MATR3: variants seen among roughly 807,000 people sequenced by gnomAD.
MATR3 encodes the protein matrin 3, also known as matrin-3.
A neutral mutation model predicts 85.5 loss-of-function variants in MATR3; 4 were observed. The observed-to-expected ratio is 0.05, with a 90% CI of 0.02 to 0.11. MATR3 has a LOEUF of 0.11. MATR3 is among the 10% of genes least tolerant of loss of function. The pLI is 1.00. For missense variants in MATR3, 685 were observed against 1,016.1 expected, an observed-to-expected ratio of 0.67 and a Z score of 4.43; for synonymous variants, 336 against 343.1, an observed-to-expected ratio of 0.98 and a Z score of 0.23.
chr5:139,308,147 T>C lies in MATR3; in HGVS notation c.732T>C (p.His244=), dbSNP rs765914696. The C allele has an allele frequency of 2.5e-6, 4 of 1,613,914 alleles. No homozygotes were observed. In the African/African-American group the frequency reaches 5.3e-5, roughly 22 times the overall value. The change falls in exon 2 of 15, where the codon CAT becomes CAC. Residue 244 remains histidine, a synonymous_variant. Coordinates refer to ENST00000394805, the MANE Select transcript of MATR3 (RefSeq NM_018834.6). Reference sequence around the variant, plus strand: ...TTGGTGAGACCTCGCATAACTATCATAAATTTGACAGTGAGTATGAGAGAA... The same window carrying C: ...TTGGTGAGACCTCGCATAACTATCACAAATTTGACAGTGAGTATGAGAGAA... ...SFFGETSHNY[H]KFDSEYERMG...
At chr5:139,320,060 G>A (rs1755474442) in intron 9 of MATR3, among the ~76,000 whole-genome samples, 2 of 150,402 alleles carry the variant, frequency 1.3e-5, no homozygotes, top group South Asian at 2.1e-4. Context: ...TGTAATCCCA[G>A]CACTTTGGGA....
At chr5:139,278,237 A>G (rs895704197) in intron 2 of MATR3, 1 of 397,586 alleles carries the variant, frequency 2.5e-6, no homozygotes, top group South Asian at 1.9e-5. Flanking sequence ...CAAAAAATAT[A>G]TATATATATA....
intron 1 of MATR3, among the ~76,000 whole-genome samples, chr5:139,302,329 CAT>C (rs1158207741): frequency 3.3e-5 from 5 of 152,124 alleles, no homozygotes; most frequent in South Asian, 2.1e-4. Context: ...CACTCAAAAA[CAT>C]AGATTAGAGA....
At chr5:139,304,905 T>C (rs1441431563) in intron 1 of MATR3, among the ~76,000 whole-genome samples, 1 of 152,236 alleles carries the variant, frequency 6.6e-6, no homozygotes, top group Admixed American at 6.5e-5. Context: ...GTACATCTTA[T>C]GTTCAGCATT....
At chr5:139,312,841 A>AGCGTTTCACC (rs1289053055) in intron 2 of MATR3, 1 of 151,806 alleles carries the variant, frequency 6.6e-6, no homozygotes, top group African/African-American at 2.4e-5. Context: ...TAATAAAGAC[A>AGCGTTTCACC]GCGTTTCACC....
intron 5 of MATR3, 114 bp downstream of exon 5, chr5:139,316,302 A>G (rs886191158): frequency 1.7e-5 from 13 of 778,972 alleles, no homozygotes; most frequent in East Asian, 1.1e-4. Flanking sequence ...CTGGAGTGCA[A>G]TGGCACGATC....
At chr5:139,319,210 C>A (rs778486412) in intron 8 of MATR3, 124 bp from the exon 9 acceptor site, 167 of 1,297,284 alleles carry the variant, frequency 1.3e-4, no homozygotes, top group Non-Finnish European at 1.7e-4. Flanking sequence ...TCCAGGCAAG[C>A]CTGGGCAACA....
At chr5:139,304,969 C>T (rs1002250247) in intron 1 of MATR3, among the ~76,000 whole-genome samples, 1 of 152,194 alleles carries the variant, frequency 6.6e-6, no homozygotes, top group African/African-American at 2.4e-5. Context: ...GTTGCCACAT[C>T]TGGTTTCTCC....
In MATR3 at chr5:139,329,492, C is replaced by G. The variant is rs769044248; in HGVS notation, c.*97C>G. On this transcript the variant is annotated 3_prime_UTR_variant, in exon 15 of 15. Transcript: ENST00000394805. ...TACAATACTGATAGTTAGAAGAAAA[C>G]TATTGTACTCTTTTGTTTTAGTGGA... The G allele has an allele frequency of 5.4e-5, 54 of 1,004,948 alleles. No individual in the cohort carries two copies. In the South Asian group the frequency reaches 6.1e-4, roughly 11 times the overall value. The allele number at this position is 1,004,948 out of a possible 1,614,324, so 62.3% of individuals were successfully genotyped here. A position where few individuals can be genotyped will look rare whatever the true frequency, so the allele number is the denominator to read the frequency against.
At chr5:139,314,951 C>T (rs942050454) in intron 3 of MATR3, 1 of 496,950 alleles carries the variant, frequency 2.0e-6, no homozygotes, top group Non-Finnish European at 3.7e-6. Context: ...TTTAACATTT[C>T]TAGGATACAT....
chr5:139,308,020 A>T lies in MATR3; in HGVS notation c.605A>T (p.Tyr202Phe), dbSNP rs1407620934. ...RGPSLNPVLD[Y>F]DHGSRSQESG... ...CCTAGTCTCAACCCAGTGCTTGATT[A>T]TGACCATGGAAGTCGTTCTCAAGAA... The change falls in exon 2 of 15, where the codon TAT becomes TTT. Residue 202 changes from tyrosine (Y) to phenylalanine (F), a missense_variant. Around this residue, in one of 9 missense-constraint regions of MATR3, gnomAD observed 223 missense variants for 334.4 expected, o/e 0.67. Coordinates refer to ENST00000394805, the MANE Select transcript of MATR3 (RefSeq NM_018834.6). 6.2e-7 allele frequency: 1 copy of T among 1,614,232 alleles called. No individual in the cohort carries two copies. Among genetic ancestry groups the T allele is most frequent in the South Asian group, 1.1e-5 (1 of 91,088 alleles).
chr5:139,298,951 T>G (rs1754300772), intron 1 of MATR3, among the ~76,000 whole-genome samples: 1 of 152,226 alleles, frequency 6.6e-6, no homozygotes, highest in Non-Finnish European at 1.5e-5. Flanking sequence ...TGTGGATAAA[T>G]CAGTTTTTAA....
intron 3 of MATR3, chr5:139,283,532 T>G (rs966480943): frequency 6.6e-6 from 1 of 152,452 alleles, no homozygotes; most frequent in African/African-American, 2.4e-5. Flanking sequence ...TTCTTCCAGG[T>G]GCCGTCATTT....
chr5:139,288,487 A>G (rs559009599), intron 3 of MATR3, among the ~76,000 whole-genome samples: 129 of 152,348 alleles, frequency 8.5e-4, no homozygotes, highest in African/African-American at 3.0e-3. Context: ...CTGTTGTTTC[A>G]TCTAATAGTT....
At chr5:139,276,116 T>C (rs986659311) in intron 1 of MATR3, 3 of 456,620 alleles carry the variant, frequency 6.6e-6, no homozygotes, top group African/African-American at 6.0e-5. Context: ...GTTGTTTCAT[T>C]GCAGAGAGGC....
At chr5:139,322,125 G>C in intron 10 of MATR3, 96 bp downstream of exon 10, 1 of 1,382,162 alleles carries the variant, frequency 7.2e-7, no homozygotes, top group Non-Finnish European at 1.0e-6. Flanking sequence ...TAAAAATACA[G>C]GATTATTGAA....
chr5:139,294,620 G>A (rs1458600486), intron 1 of MATR3: 1 of 152,130 alleles, frequency 6.6e-6, no homozygotes, highest in Non-Finnish European at 1.5e-5. Context: ...GTGCGAGGCG[G>A]GTGATTTGCA....
intron 3 of MATR3, among the ~76,000 whole-genome samples, chr5:139,287,113 TTTTACC>T (rs1459244743): frequency 1.3e-5 from 2 of 152,204 alleles, no homozygotes; most frequent in Non-Finnish European, 2.9e-5. Context: ...CTTTTAGGAC[TTTTACC>T]TTTGTCAAGC....
At chr5:139,288,828 G>T (rs1459898073), upstream of MATR3, among the ~76,000 whole-genome samples, 1 of 151,968 alleles carries the variant, frequency 6.6e-6, no homozygotes, top group East Asian at 1.9e-4. Flanking sequence ...ATTTTTAGTA[G>T]AGACAGGGTT....
Sources: allele counts gnomAD v4.1 joint callset (sites outside exome capture counted in the v4.1 genomes callset), GRCh38; gene constraint gnomAD v4.1.1; regional missense constraint gnomAD v4.1.1; transcripts MANE v1.5; gene names NCBI Gene and HGNC (gene_info 2026-07-23, HGNC 2026-07-21).